Variants in ORC4 observed in about 807,000 individuals in gnomAD.
ORC4 encodes origin recognition complex subunit 4.
In ORC4, 55 loss-of-function variants were observed where a neutral mutation model predicts 63.9. The ratio of observed to expected loss-of-function variants is 0.86; its 90% CI spans 0.69 to 1.08. The LOEUF (loss-of-function observed/expected upper bound fraction) is 1.08, where lower values mean the gene tolerates loss of function less well. Among genes scored for constraint, ORC4 ranks in the 50% least tolerant of loss-of-function variants. The probability of loss-of-function intolerance (pLI) is 0.00; values close to 1 mark genes in which losing one functional copy is unlikely to be tolerated. For synonymous variants in ORC4, 150 were observed against 168.5 expected (o/e 0.89, Z 0.85); for missense variants, 511 against 504.4 (o/e 1.01, Z -0.13).
chr2:147,951,386 G>A (rs190196479), intron 8 of ORC4: 2 of 152,370 alleles, frequency 1.3e-5, no homozygotes, highest in East Asian at 3.9e-4. Flanking sequence ...TTAATTGCCA[G>A]TGCAACAGTG....
intron 1 of ORC4, among the ~76,000 whole-genome samples, chr2:148,020,208 C>A (rs1693612242): frequency 6.6e-6 from 1 of 152,172 alleles, no homozygotes; most frequent in Admixed American, 6.5e-5. Flanking sequence ...GGCGCAATAT[C>A]CAATATGAGC....
At chr2:147,946,106 C>T (rs1688644005) in intron 9 of ORC4, among the ~76,000 whole-genome samples, 1 of 152,072 alleles carries the variant, frequency 6.6e-6, no homozygotes, top group African/African-American at 2.4e-5. Context: ...GCTACTAACA[C>T]ATGGTTATCA....
chr2:147,952,024 T>C (rs976619737), intron 8 of ORC4, among the ~76,000 whole-genome samples: 1 of 152,208 alleles, frequency 6.6e-6, no homozygotes, highest in Non-Finnish European at 1.5e-5. Context: ...TTTCAAAATA[T>C]GGAAAAAAAT....
chr2:147,999,481 T>G (rs1390929434), intron 1 of ORC4, among the ~76,000 whole-genome samples: 1 of 152,172 alleles, frequency 6.6e-6, no homozygotes, highest in Non-Finnish European at 1.5e-5. Flanking sequence ...AGCTGTCCTA[T>G]GCACTGTAGG....
At chr2:147,987,322 T>C (rs550422569) in intron 1 of ORC4, among the ~76,000 whole-genome samples, 23 of 146,822 alleles carry the variant, frequency 1.6e-4, no homozygotes, top group African/African-American at 5.8e-4. Flanking sequence ...TTCATAATAT[T>C]TGTCATTTAA....
chr2:147,972,035 G>A (rs1690243344), intron 4 of ORC4, among the ~76,000 whole-genome samples: 1 of 151,984 alleles, frequency 6.6e-6, no homozygotes, highest in Non-Finnish European at 1.5e-5. Context: ...TATAATACAT[G>A]AGAACAGATT....
At chr2:147,938,435 T>G (rs1279080937) in intron 11 of ORC4, 42 bp from the exon 12 acceptor site, 1 of 1,114,906 alleles carries the variant, frequency 9.0e-7, no homozygotes, top group African/African-American at 1.5e-5. Context: ...TAATGACATA[T>G]AAGACTGAAA....
chr2:147,935,419 G>A lies in ORC4; in HGVS notation c.*91C>T, dbSNP rs17232050. The A allele has an allele frequency of 3.2e-6, 3 of 944,806 alleles. No homozygotes were observed. In the East Asian group the frequency reaches 7.3e-5, roughly 23 times the overall value. 58.5% of individuals were successfully genotyped at this position (944,806 alleles called of 1,614,324 possible). ...TCACATAAATACAAGAATGTTTATA[G>A]AATGTTTAGCATATCATGTTAATGG... On this transcript the variant is annotated 3_prime_UTR_variant, in exon 14 of 14. Coordinates refer to ENST00000392857, the MANE Select transcript of ORC4 (RefSeq NM_181741.4).
intron 4 of ORC4, among the ~76,000 whole-genome samples, chr2:147,965,999 A>G (rs1436657077): frequency 6.6e-6 from 1 of 152,164 alleles, no homozygotes; most frequent in African/African-American, 2.4e-5. Context: ...TGAGCCCAGG[A>G]GTTTGAGACC....
intron 1 of ORC4, among the ~76,000 whole-genome samples, chr2:148,004,382 C>A (rs2105443521): frequency 6.6e-6 from 1 of 152,220 alleles, no homozygotes; most frequent in African/African-American, 2.4e-5. Context: ...GCTACAGTAA[C>A]CAAAGCAGCA....
At chr2:147,953,213 G>C (rs1689061829) in intron 7 of ORC4, among the ~76,000 whole-genome samples, 1 of 151,616 alleles carries the variant, frequency 6.6e-6, no homozygotes, top group African/African-American at 2.4e-5. Context: ...GCTGAGGCAG[G>C]AGAATCTCTT....
chr2:147,960,988 C>T (rs1216661755), intron 4 of ORC4, among the ~76,000 whole-genome samples: 1 of 151,946 alleles, frequency 6.6e-6, no homozygotes, highest in African/African-American at 2.4e-5. Flanking sequence ...CACACTATTG[C>T]CTTTTTCAAT....
At chr2:147,964,757 TTC>T (rs200011818) in intron 4 of ORC4, among the ~76,000 whole-genome samples, 499 of 152,322 alleles carry the variant, frequency 3.3e-3, no homozygotes, top group East Asian at 8.1e-3. Flanking sequence ...TATAGCAGAT[TTC>T]TTTTTTTTAA....
chr2:148,005,523 T>C (rs1692569845), intron 1 of ORC4, among the ~76,000 whole-genome samples: 2 of 152,046 alleles, frequency 1.3e-5, no homozygotes, highest in Admixed American at 1.3e-4. Context: ...TCCCAGAACT[T>C]AAATTATAAT....
chr2:147,932,794 G>C lies in ORC4; in HGVS notation c.*2716C>G, dbSNP rs1255158509. 6.6e-6 allele frequency: 1 copy of C among 152,042 alleles called. No homozygotes were observed. The highest frequency in any genetic ancestry group is 2.4e-5 in the African/African-American group (1 of 41,390). The allele number at this position is 152,042 out of a possible 1,614,324, so 9.4% of individuals were successfully genotyped here. A position where few individuals can be genotyped will look rare whatever the true frequency, so the allele number is the denominator to read the frequency against. On this transcript the variant is annotated 3_prime_UTR_variant, in exon 14 of 14. Transcript: ENST00000392857. ...GATGGGGCAGCACTTAGGTTATGGT[G>C]GTTTGAAAGAAACTGAATTGCTTTC...
At chr2:147,997,796 T>A (rs1304237848) in intron 1 of ORC4, among the ~76,000 whole-genome samples, 2 of 152,200 alleles carry the variant, frequency 1.3e-5, no homozygotes, top group Admixed American at 6.5e-5. Context: ...TTAAAAATTT[T>A]CTTGCACATT....
chr2:147,964,192 TAC>T (rs1306991284), intron 4 of ORC4, among the ~76,000 whole-genome samples: 1 of 151,890 alleles, frequency 6.6e-6, no homozygotes, highest in Admixed American at 6.6e-5. Context: ...TTCAAAAGAA[TAC>T]AGATAGAAAA....
chr2:148,006,644 C>T (rs144060304), intron 1 of ORC4, among the ~76,000 whole-genome samples: 9 of 152,234 alleles, frequency 5.9e-5, no homozygotes, highest in African/African-American at 1.4e-4. Context: ...GCTTTTGCTC[C>T]GGGATGGCAT....
intron 1 of ORC4, among the ~76,000 whole-genome samples, chr2:148,009,132 C>T (rs965674075): frequency 6.6e-6 from 1 of 151,804 alleles, no homozygotes; most frequent in Non-Finnish European, 1.5e-5. Context: ...TTGCTAACCT[C>T]ATAGTAACCA....
Sources: allele counts gnomAD v4.1 joint callset (sites outside exome capture counted in the v4.1 genomes callset), GRCh38; gene constraint gnomAD v4.1.1; transcripts MANE v1.5; gene names NCBI Gene and HGNC (gene_info 2026-07-23, HGNC 2026-07-21).